Variants in PLCB1 observed in about 807,000 individuals in gnomAD.
PLCB1 encodes the protein 1-phosphatidylinositol 4,5-bisphosphate phosphodiesterase beta-1.
In PLCB1, 46 loss-of-function variants were observed where a neutral mutation model predicts 161.8. The ratio of observed to expected loss-of-function variants is 0.28; its 90% confidence interval spans 0.22 to 0.36. The LOEUF (loss-of-function observed/expected upper bound fraction) is 0.36. Among genes scored for constraint, PLCB1 ranks in the 10% least tolerant of loss-of-function variants. The probability of loss-of-function intolerance (pLI) is 1.00; values close to 1 mark genes in which losing one functional copy is unlikely to be tolerated. For missense variants in PLCB1, 1,016 were observed against 1,472.5 expected (o/e 0.69, Z 5.07); for synonymous variants, 517 against 503.7 (o/e 1.03, Z -0.35).
chr20:8,394,683 T>C (rs1462103768), intron 3 of PLCB1, among the ~76,000 whole-genome samples: 2 of 152,208 alleles, frequency 1.3e-5, no homozygotes, highest in African/African-American at 4.8e-5. Context: ...GTTACTGTTA[T>C]CCTTAAAACT....
chr20:8,493,340 C>T (rs1417197478), intron 3 of PLCB1, among the ~76,000 whole-genome samples: 5 of 152,120 alleles, frequency 3.3e-5, no homozygotes. Flanking sequence ...GAGTTTAGAG[C>T]AAAAGCAAAT....
chr20:8,810,858 G>A (rs946635956), intron 31 of PLCB1, among the ~76,000 whole-genome samples: 1 of 152,186 alleles, frequency 6.6e-6, no homozygotes, highest in Admixed American at 6.5e-5. Context: ...CAGCTACTTG[G>A]GGGGCTGAGA....
intron 31 of PLCB1, among the ~76,000 whole-genome samples, chr20:8,878,367 G>T (rs1987851005): frequency 6.6e-6 from 1 of 152,184 alleles, no homozygotes; most frequent in Non-Finnish European, 1.5e-5. Context: ...CAAACAACAG[G>T]CTAAGATTTC....
At chr20:8,570,882 A>G (rs1464442000) in intron 3 of PLCB1, among the ~76,000 whole-genome samples, 3 of 152,342 alleles carry the variant, frequency 2.0e-5, no homozygotes, top group African/African-American at 4.8e-5. Context: ...TATGAAAAGA[A>G]GAGCCATCCA....
intron 3 of PLCB1, among the ~76,000 whole-genome samples, chr20:8,612,041 A>G (rs535309011): frequency 1.8e-4 from 27 of 152,266 alleles, no homozygotes; most frequent in African/African-American, 6.3e-4. Context: ...AACTTCCTTA[A>G]AAACAGTTAG....
intron 3 of PLCB1, among the ~76,000 whole-genome samples, chr20:8,512,826 A>T (rs1983948713): frequency 6.6e-6 from 1 of 152,122 alleles, no homozygotes. Context: ...TCATTCTCTT[A>T]GCAATTTTGA....
At chr20:8,601,245 G>T (rs1987577764) in intron 3 of PLCB1, among the ~76,000 whole-genome samples, 1 of 152,170 alleles carries the variant, frequency 6.6e-6, no homozygotes. Context: ...TTAAGTTCAG[G>T]GGTATATGCG....
rs573022016 is a variant in PLCB1, at chr20:8,626,674, A to G, written c.247-1620A>G. Among the ~76,000 whole-genome samples, 184 of 152,270 alleles carry G rather than the reference A, an allele frequency of 1.2e-3. 4 individuals are homozygous for G. In the South Asian group the frequency reaches 0.034, roughly 28 times the overall value. On this transcript the variant is annotated intron_variant, in intron 3 of 31. Transcript: ENST00000338037. ...AAATATATTGATGGACTCTGTAATC[A>G]CTGATTTAAAACGTGTGATTTATAA...
At chr20:8,867,719 A>G (rs1987478019) in intron 31 of PLCB1, among the ~76,000 whole-genome samples, 2 of 152,276 alleles carry the variant, frequency 1.3e-5, no homozygotes, top group African/African-American at 4.8e-5. Context: ...GACTCTTGGT[A>G]TATGTTAAAA....
chr20:8,259,468 T>C (rs1047893468), intron 2 of PLCB1, among the ~76,000 whole-genome samples: 3 of 151,966 alleles, frequency 2.0e-5, no homozygotes, highest in Admixed American at 6.6e-5. Flanking sequence ...ATATAAGAAG[T>C]AGCCAGGCAT....
intron 2 of PLCB1, among the ~76,000 whole-genome samples, chr20:8,171,395 T>C (rs983992363): frequency 1.3e-4 from 20 of 151,776 alleles, no homozygotes; most frequent in African/African-American, 4.9e-4. Context: ...TATTTGTTCA[T>C]ATGTTATGTT....
intron 2 of PLCB1, among the ~76,000 whole-genome samples, chr20:8,177,614 G>C (rs1392841139): frequency 1.3e-5 from 2 of 151,338 alleles, no homozygotes; most frequent in Non-Finnish European, 2.9e-5. Context: ...CAGGGCCCAA[G>C]TATTATTATT....
At chr20:8,325,012 G>C (rs996310406) in intron 2 of PLCB1, among the ~76,000 whole-genome samples, 1 of 152,104 alleles carries the variant, frequency 6.6e-6, no homozygotes, top group Non-Finnish European at 1.5e-5. Flanking sequence ...CAGGTTTTTC[G>C]GGTGCTTTTC....
intron 3 of PLCB1, among the ~76,000 whole-genome samples, chr20:8,505,306 G>A (rs1464318608): frequency 1.3e-5 from 2 of 152,086 alleles, no homozygotes; most frequent in Non-Finnish European, 2.9e-5. Context: ...TTCTCATTGA[G>A]TGGCGAGCAC....
At chr20:8,756,744 T>G (rs1981755003) in intron 23 of PLCB1, among the ~76,000 whole-genome samples, 1 of 152,174 alleles carries the variant, frequency 6.6e-6, no homozygotes, top group African/African-American at 2.4e-5. Flanking sequence ...GTATCAAGTT[T>G]GCTATTCTCT....
chr20:8,198,927 GACAC>G (rs2052058570), intron 2 of PLCB1, among the ~76,000 whole-genome samples: 1 of 151,312 alleles, frequency 6.6e-6, no homozygotes, highest in Admixed American at 6.6e-5. Context: ...GAGAGAGAAA[GACAC>G]ACACACAGAC....
chr20:8,356,637 C>T (rs571631662), intron 2 of PLCB1, among the ~76,000 whole-genome samples: 11 of 152,178 alleles, frequency 7.2e-5, no homozygotes, highest in East Asian at 3.9e-4. Context: ...CATAATCATA[C>T]GGCATAATAG....
chr20:8,773,296 T>C (rs1362120111), intron 26 of PLCB1, among the ~76,000 whole-genome samples: 1 of 152,202 alleles, frequency 6.6e-6, no homozygotes, highest in African/African-American at 2.4e-5. Flanking sequence ...AGGTAGTCTT[T>C]CGGGAAGGGA....
intron 3 of PLCB1, among the ~76,000 whole-genome samples, chr20:8,578,418 A>T (rs1394435131): frequency 6.6e-6 from 1 of 152,258 alleles, no homozygotes; most frequent in Non-Finnish European, 1.5e-5. Context: ...ATGAATTAAT[A>T]AAAAGTAACC....
Sources: allele counts gnomAD v4.1 joint callset (sites outside exome capture counted in the v4.1 genomes callset), GRCh38; gene constraint gnomAD v4.1.1; transcripts MANE v1.5; gene names NCBI Gene and HGNC (gene_info 2026-07-23, HGNC 2026-07-21).